The following DMXL2 variants were observed in gnomAD, a reference collection of about 807,000 sequenced individuals.
DMXL2 encodes the protein dmX-like protein 2.
A neutral mutation model predicts 331.1 loss-of-function variants in DMXL2; 103 were observed. The ratio of observed to expected loss-of-function variants is 0.31; its 90% confidence interval spans 0.27 to 0.37. The LOEUF is 0.37. Ranked by LOEUF, DMXL2 falls within the 10% of genes least tolerant of loss-of-function variation. The pLI is 1.00. For missense variants in DMXL2, 3,171 were observed against 3,642.9 expected, an observed-to-expected ratio of 0.87 and a Z score of 3.33; for synonymous variants, 1,281 against 1,252.1, an observed-to-expected ratio of 1.02 and a Z score of -0.49.
At chr15:51,508,692 T>C (rs1359645030) in intron 15 of DMXL2, among the ~76,000 whole-genome samples, 1 of 152,174 alleles carries the variant, frequency 6.6e-6, no homozygotes, top group Non-Finnish European at 1.5e-5. Flanking sequence ...CAGTAGCAGC[T>C]AGAGATAACC....
chr15:51,554,424 T>A (rs1375722922), intron 6 of DMXL2, among the ~76,000 whole-genome samples: 3 of 152,152 alleles, frequency 2.0e-5, no homozygotes, highest in African/African-American at 4.8e-5. Context: ...GATCAAGACA[T>A]GAATTACGTA....
Position 51,498,662 on chromosome 15 carries a change from G to C in DMXL2, c.4562C>G (p.Ser1521Ter). 6.2e-7 allele frequency: 1 copy of C among 1,614,172 alleles called. No individual in the cohort carries two copies. Residue 1521 changes from serine to a stop codon, truncating the protein, a stop_gained, in exon 18 of 44, where the codon TCA becomes TGA. Transcript: ENST00000560891. LOFTEE classifies it high-confidence loss of function. ...ARVLSSHLMH[S>*]SLPGLTRLEQ... ...CAAACGGGTAAGGCCTGGTAGACTT[G>C]AGTGCATAAGATGACTTGAAAGTAC...
intron 22 of DMXL2, among the ~76,000 whole-genome samples, chr15:51,487,311 C>A (rs969526765): frequency 1.3e-4 from 20 of 152,128 alleles, no homozygotes; most frequent in African/African-American, 4.1e-4. Context: ...TGCCTTTCTG[C>A]ACAGAATAAG....
intron 3 of DMXL2, chr15:51,567,698 A>G (rs2050383703): frequency 6.6e-6 from 1 of 152,260 alleles, no homozygotes; most frequent in Non-Finnish European, 1.5e-5. Flanking sequence ...GAGGACAAGA[A>G]CTTACGAGGT....
chr15:51,574,564 AC>A (rs930196750), intron 2 of DMXL2, among the ~76,000 whole-genome samples: 58 of 152,338 alleles, frequency 3.8e-4, no homozygotes, highest in African/African-American at 1.3e-3. Context: ...AATGACACTT[AC>A]GCAAAAAGTG....
chr15:51,463,728 A>G (rs1331260583), intron 32 of DMXL2, among the ~76,000 whole-genome samples: 5 of 152,224 alleles, frequency 3.3e-5, no homozygotes, highest in Admixed American at 3.3e-4. Context: ...TTCTCTAATT[A>G]CACTGAATGA....
chr15:51,507,711 T>C (rs2046491968), intron 15 of DMXL2, among the ~76,000 whole-genome samples: 1 of 152,006 alleles, frequency 6.6e-6, no homozygotes, highest in South Asian at 2.1e-4. Flanking sequence ...AGGATGCCCC[T>C]GGAGTAACTG....
chr15:51,470,709 T>C (rs941275121), intron 29 of DMXL2, among the ~76,000 whole-genome samples: 3 of 152,054 alleles, frequency 2.0e-5, no homozygotes, highest in Admixed American at 2.0e-4. Context: ...AAGCAAACAT[T>C]AGCATGCACC....
chr15:51,598,814 A>G (rs2053020807), intron 1 of DMXL2, among the ~76,000 whole-genome samples: 1 of 152,214 alleles, frequency 6.6e-6, no homozygotes, highest in Non-Finnish European at 1.5e-5. Flanking sequence ...TGCAGATAGT[A>G]TCTTCCAGGT....
intron 13 of DMXL2, among the ~76,000 whole-genome samples, chr15:51,520,715 G>T (rs1596103716): frequency 6.6e-6 from 1 of 152,128 alleles, no homozygotes; most frequent in East Asian, 1.9e-4. Context: ...AAATTAGTTG[G>T]GCGTGGCAGT....
intron 13 of DMXL2, among the ~76,000 whole-genome samples, chr15:51,532,252 G>A (rs913161259): frequency 6.6e-6 from 1 of 151,890 alleles, no homozygotes; most frequent in Non-Finnish European, 1.5e-5. Flanking sequence ...ACTGGAGGTC[G>A]TTATTTTAAG....
rs74013295 is a variant in DMXL2, at chr15:51,546,585, A to G, written c.746+645T>C. Among the ~76,000 whole-genome samples, 1,511 of 152,244 alleles carry G rather than the reference A, an allele frequency of 9.9e-3. 35 individuals carry two copies. Among genetic ancestry groups the G allele is most frequent in the East Asian group, 0.062 (322 of 5,188 alleles). The stretch of plus-strand genomic sequence containing the variant: ...CTTCTGAGTGCCCAACAGCTTTCTT[A>G]GACCTGTATATAATAAAGGAATCAT... On this transcript the variant is annotated intron_variant, in intron 7 of 43. Transcript: ENST00000560891.
chr15:51,617,579 G>A (rs536039044), intron 1 of DMXL2, among the ~76,000 whole-genome samples: 2 of 152,152 alleles, frequency 1.3e-5, no homozygotes, highest in South Asian at 2.1e-4. Context: ...AGCAATATAC[G>A]ATAAAGACTC....
chr15:51,528,916 TGA>T (rs2047840766), intron 13 of DMXL2, among the ~76,000 whole-genome samples: 1 of 152,180 alleles, frequency 6.6e-6, no homozygotes, highest in African/African-American at 2.4e-5. Flanking sequence ...GCATCTTCTC[TGA>T]CCACATTGGA....
At chr15:51,479,184 G>A (rs1023885483) in intron 25 of DMXL2, among the ~76,000 whole-genome samples, 1 of 152,110 alleles carries the variant, frequency 6.6e-6, no homozygotes, top group Non-Finnish European at 1.5e-5. Context: ...TTCATAATAT[G>A]GATGAGAAGT....
At chr15:51,489,368 A>G (rs966917897) in intron 20 of DMXL2, among the ~76,000 whole-genome samples, 2 of 152,088 alleles carry the variant, frequency 1.3e-5, no homozygotes, top group African/African-American at 4.8e-5. Context: ...AAAATGCTTT[A>G]CTCTCGGGCC....
chr15:51,602,225 C>G (rs1326871788), intron 1 of DMXL2, among the ~76,000 whole-genome samples: 2 of 152,084 alleles, frequency 1.3e-5, no homozygotes, highest in Admixed American at 1.3e-4. Context: ...AACCAAGCAG[C>G]AAAAACAGAG....
At chr15:51,533,267 C>T (rs2048107257) in intron 13 of DMXL2, among the ~76,000 whole-genome samples, 1 of 152,072 alleles carries the variant, frequency 6.6e-6, no homozygotes. Context: ...AAGCAATCTT[C>T]CCATCTCATT....
At chr15:51,551,052 G>A (rs541998404) in intron 6 of DMXL2, among the ~76,000 whole-genome samples, 16 of 151,704 alleles carry the variant, frequency 1.1e-4, no homozygotes, top group African/African-American at 3.9e-4. Context: ...GATCCACAGT[G>A]ACCATCTGTT....
Sources: gnomAD v4.1 joint callset for allele counts (sites outside exome capture counted in the v4.1 genomes callset) on GRCh38, gnomAD v4.1.1 for gene constraint, MANE v1.5 for transcripts, NCBI Gene and HGNC (gene_info 2026-07-23, HGNC 2026-07-21) for gene names.